The following GULP1 variants were observed in gnomAD, a reference collection of about 807,000 sequenced individuals.
GULP1 encodes PTB domain-containing engulfment adapter protein 1.
GULP1 carries 19 observed loss-of-function variants against 40.9 expected under a neutral mutation model. That is an observed-to-expected ratio of 0.46 (90% CI 0.32 to 0.68). The LOEUF (loss-of-function observed/expected upper bound fraction) is 0.68, where lower values mean the gene tolerates loss of function less well. Ranked by LOEUF, GULP1 falls within the 30% of genes least tolerant of loss-of-function variation. The pLI is 0.03. For missense variants in GULP1, 312 were observed against 362.2 expected, an observed-to-expected ratio of 0.86 and a Z score of 1.12; for synonymous variants, 119 against 117.6, an observed-to-expected ratio of 1.01 and a Z score of -0.08.
chr2:188,439,659 C>G (rs2152857712), intron 2 of GULP1, among the ~76,000 whole-genome samples: 2 of 152,164 alleles, frequency 1.3e-5, no homozygotes, highest in South Asian at 4.1e-4. Flanking sequence ...GTGGTAAGGA[C>G]ATGACTCTGG....
At chr2:188,442,586 C>A (rs761111146) in intron 2 of GULP1, among the ~76,000 whole-genome samples, 1 of 152,174 alleles carries the variant, frequency 6.6e-6, no homozygotes, top group Non-Finnish European at 1.5e-5. Context: ...TACTGAGATG[C>A]TTTTGGGAAA....
intron 1 of GULP1, among the ~76,000 whole-genome samples, chr2:188,368,945 A>G (rs4998561): frequency 0.022 from 571 of 26,362 alleles, 11 homozygotes; most frequent in African/African-American, 0.067. Flanking sequence ...GTGTGTATAT[A>G]TATATATATA....
chr2:188,477,486 C>T (rs559075540), intron 2 of GULP1, among the ~76,000 whole-genome samples, 173 bp from the exon 3 acceptor site: 1 of 152,032 alleles, frequency 6.6e-6, no homozygotes, highest in African/African-American at 2.4e-5. Context: ...GTGCCACTCA[C>T]GTTATTAAGT....
At chr2:188,362,284 A>AG (rs1161301778) in intron 1 of GULP1, among the ~76,000 whole-genome samples, 26 of 152,240 alleles carry the variant, frequency 1.7e-4, no homozygotes, top group African/African-American at 6.3e-4. Flanking sequence ...TAAAAATATG[A>AG]GGAATACCAT....
chr2:188,462,152 T>A (rs906890469), intron 2 of GULP1, among the ~76,000 whole-genome samples: 4 of 152,176 alleles, frequency 2.6e-5, no homozygotes, highest in Non-Finnish European at 5.9e-5. Flanking sequence ...TTCAATAAAT[T>A]TTTCAACTTT....
At chr2:188,531,550 A>G (rs1469171623) in intron 6 of GULP1, among the ~76,000 whole-genome samples, 1 of 152,154 alleles carries the variant, frequency 6.6e-6, no homozygotes, top group Non-Finnish European at 1.5e-5. Flanking sequence ...TTCAATTACA[A>G]ACAAAGATGT....
Position 188,525,900 on chromosome 2 carries a change from A to G in GULP1, c.162+3073A>G, listed in dbSNP as rs368479029. On this transcript the variant is annotated intron_variant, in intron 5 of 11. Coordinates refer to ENST00000409830, the MANE Select transcript of GULP1 (RefSeq NM_016315.4). Reference sequence around the variant, plus strand: ...CATTTAGAGCTTAATTTAATTATATATAAACATCGCTCATTTCCCGCAGGA... The same window carrying G: ...CATTTAGAGCTTAATTTAATTATATGTAAACATCGCTCATTTCCCGCAGGA... 1.2e-4 allele frequency among the ~76,000 whole-genome samples: 19 copies of G among 152,350 alleles called. No individual in the cohort carries two copies. The South Asian group carries it at 1.9e-3, about 15-fold the overall frequency.
chr2:188,357,293 T>G (rs1266328878), intron 1 of GULP1, among the ~76,000 whole-genome samples: 2 of 152,116 alleles, frequency 1.3e-5, no homozygotes, highest in Non-Finnish European at 2.9e-5. Context: ...GAGAAAATAT[T>G]TGCAAACTAT....
intron 4 of GULP1, among the ~76,000 whole-genome samples, chr2:188,508,071 T>C (rs1378012684): frequency 6.6e-6 from 1 of 151,814 alleles, no homozygotes; most frequent in African/African-American, 2.4e-5. Context: ...AATACCAGGA[T>C]TAGAAATTTA....
intron 9 of GULP1, among the ~76,000 whole-genome samples, chr2:188,581,242 T>C (rs1034801917): frequency 2.0e-5 from 3 of 152,152 alleles, no homozygotes; most frequent in African/African-American, 7.2e-5. Flanking sequence ...ACTTTTCTAC[T>C]GCTAGCCCTT....
At chr2:188,515,252 C>A (rs549342053) in intron 4 of GULP1, among the ~76,000 whole-genome samples, 3 of 152,088 alleles carry the variant, frequency 2.0e-5, no homozygotes, top group African/African-American at 7.2e-5. Flanking sequence ...CATGATTCCC[C>A]CTGCCATTTC....
intron 2 of GULP1, among the ~76,000 whole-genome samples, chr2:188,404,667 G>A (rs116151960): frequency 6.6e-6 from 1 of 152,258 alleles, no homozygotes; most frequent in African/African-American, 2.4e-5. Context: ...CCGTTGTTAG[G>A]CTGACCCCTG....
intron 11 of GULP1, chr2:188,590,584 T>A (rs539080141): frequency 6.6e-6 from 1 of 152,338 alleles, no homozygotes; most frequent in South Asian, 2.1e-4. Flanking sequence ...AAACATCTCA[T>A]GCATGTAAGC....
At chr2:188,509,507 A>C (rs1315642561) in intron 4 of GULP1, among the ~76,000 whole-genome samples, 2 of 152,076 alleles carry the variant, frequency 1.3e-5, no homozygotes, top group Non-Finnish European at 2.9e-5. Context: ...TTTTTCACTC[A>C]AAAGAACTAT....
intron 2 of GULP1, among the ~76,000 whole-genome samples, chr2:188,405,581 A>T (rs894261788): frequency 1.3e-5 from 2 of 152,202 alleles, no homozygotes; most frequent in Admixed American, 6.5e-5. Flanking sequence ...CCCAGGCTTC[A>T]GGCCAGCCCT....
intron 2 of GULP1, among the ~76,000 whole-genome samples, chr2:188,459,547 C>A (rs916869079): frequency 1.3e-5 from 2 of 151,968 alleles, no homozygotes; most frequent in African/African-American, 4.8e-5. Flanking sequence ...GTTGTTTGAC[C>A]TCCTTATATA....
chr2:188,303,931 T>C (rs2106157341), intron 1 of GULP1, among the ~76,000 whole-genome samples: 1 of 152,268 alleles, frequency 6.6e-6, no homozygotes, highest in Admixed American at 6.5e-5. Flanking sequence ...AGGATTACTG[T>C]TCTTTTGGAA....
At chr2:188,532,057 GGGCTTGTCC>G (rs1217337101) in intron 6 of GULP1, among the ~76,000 whole-genome samples, 29 of 152,116 alleles carry the variant, frequency 1.9e-4, no homozygotes, top group Non-Finnish European at 1.5e-4. Context: ...TGAAGGTTTG[GGGCTTGTCC>G]CAGCACACAT....
intron 7 of GULP1, among the ~76,000 whole-genome samples, chr2:188,560,250 C>T (rs551814662): frequency 6.6e-6 from 1 of 152,228 alleles, no homozygotes; most frequent in Non-Finnish European, 1.5e-5. Flanking sequence ...CCTCCAGATA[C>T]CCTAAATCAT....
Sources: gnomAD v4.1 joint callset for allele counts (sites outside exome capture counted in the v4.1 genomes callset) on GRCh38, gnomAD v4.1.1 for gene constraint, MANE v1.5 for transcripts, NCBI Gene and HGNC (gene_info 2026-07-23, HGNC 2026-07-21) for gene names.